The following TIMMDC1 variants were observed in gnomAD, a reference collection of about 807,000 sequenced individuals.
The protein encoded by TIMMDC1 is complex I assembly factor TIMMDC1, mitochondrial.
Under a neutral mutation model 32.6 loss-of-function variants are expected in TIMMDC1, and 25 were observed. That is an observed-to-expected ratio of 0.77 (90% CI 0.56 to 1.07). TIMMDC1 has a LOEUF of 1.07. Among genes scored for constraint, TIMMDC1 ranks in the 50% least tolerant of loss-of-function variants. TIMMDC1 has a pLI of 0.00. For missense variants in TIMMDC1, 329 were observed against 349.2 expected (o/e 0.94, Z 0.46); for synonymous variants, 130 against 127.6 (o/e 1.02, Z -0.13).
At position 119,523,712 on chromosome 3, in the gene TIMMDC1, C is replaced by A. The variant is rs1266708363; in HGVS notation, c.814C>A (p.Leu272Ile). ...DAKKIEALLNLPRNPSVIDKQ... is the reference protein window; with the variant it reads ...DAKKIEALLNIPRNPSVIDKQ... ...TAAGAAAATTGAAGCACTGCTAAAC[C>A]TTCCTAGAAACCCTTCAGTAATAGA... Residue 272 changes from leucine to isoleucine, a missense_variant, in exon 7 of 7, where the codon CTT becomes ATT. By Grantham distance (5) the Leu-to-Ile change is conservative (BLOSUM62 2). Transcript: ENST00000494664. 6.2e-7 allele frequency: 1 copy of A among 1,612,716 alleles called. No individual in the cohort carries two copies. Among genetic ancestry groups the A allele is most frequent in the Admixed American group, 1.7e-5 (1 of 59,780 alleles).
intron 5 of TIMMDC1, among the ~76,000 whole-genome samples, chr3:119,516,053 GA>G (rs1165508635): frequency 6.6e-6 from 1 of 152,184 alleles, no homozygotes; most frequent in East Asian, 1.9e-4. Context: ...AGTTTGGTTT[GA>G]AGGGAAAAGT....
rs779865857 is a variant in TIMMDC1 at position 119,513,679 on chromosome 3, C to T, written c.556C>T (p.Arg186Cys). ...GSLFRINVGL[R>C]GLVAGGIIGA... Reference sequence around the variant, plus strand: ...TCTTTTTAGGATAAACGTAGGCCTGCGTGGCCTGGTGGCTGGTGGCATAAT... The same window carrying T: ...TCTTTTTAGGATAAACGTAGGCCTGTGTGGCCTGGTGGCTGGTGGCATAAT... Residue 186 changes from arginine (R) to cysteine (C), a missense_variant, in exon 5 of 7, where the codon CGT becomes TGT. Transcript: ENST00000494664. The T allele has an allele frequency of 2.6e-5, 42 of 1,609,604 alleles. No homozygotes were observed. Among genetic ancestry groups the T allele is most frequent in the Admixed American group, 6.8e-5 (4 of 59,194 alleles).
At chr3:119,512,014 T>C (rs1275797290) in intron 4 of TIMMDC1, among the ~76,000 whole-genome samples, 5 of 152,250 alleles carry the variant, frequency 3.3e-5, no homozygotes, top group Non-Finnish European at 5.9e-5. Flanking sequence ...TTTATACTTA[T>C]ACCTTTTGGC....
At chr3:119,501,505 T>C (rs1278097753) in intron 2 of TIMMDC1, among the ~76,000 whole-genome samples, 1 of 152,210 alleles carries the variant, frequency 6.6e-6, no homozygotes, top group East Asian at 1.9e-4. Flanking sequence ...CTTCAGTGTG[T>C]TATTTCCTAA....
intron 1 of TIMMDC1, among the ~76,000 whole-genome samples, chr3:119,499,385 C>T (rs2081851657): frequency 6.7e-6 from 1 of 150,270 alleles, no homozygotes; most frequent in Non-Finnish European, 1.5e-5. Context: ...CAGGCGTGAG[C>T]CACCGCGCCA....
intron 4 of TIMMDC1, among the ~76,000 whole-genome samples, chr3:119,511,415 T>G (rs559700038): frequency 4.1e-4 from 63 of 151,812 alleles, no homozygotes; most frequent in African/African-American, 1.5e-3. Flanking sequence ...AGGCAGAGGT[T>G]GCAGTGAGCC....
At chr3:119,523,531 A>G (rs2082044531) in intron 6 of TIMMDC1, 75 bp from the exon 7 acceptor site, 5 of 1,429,620 alleles carry the variant, frequency 3.5e-6, no homozygotes, top group Non-Finnish European at 4.7e-6. Context: ...GACAAATGCT[A>G]TCCTTTTTGT....
At chr3:119,502,608 G>C (rs1465994464) in intron 2 of TIMMDC1, among the ~76,000 whole-genome samples, 5 of 151,840 alleles carry the variant, frequency 3.3e-5, no homozygotes, top group Admixed American at 2.0e-4. Context: ...GTGCAGGCTG[G>C]AGTGCAGCGG....
At chr3:119,522,912 G>A (rs1316400768) in intron 6 of TIMMDC1, among the ~76,000 whole-genome samples, 1 of 151,618 alleles carries the variant, frequency 6.6e-6, no homozygotes, top group East Asian at 1.9e-4. Context: ...AATAATACAG[G>A]AAAATCAAAC....
intron 5 of TIMMDC1, among the ~76,000 whole-genome samples, chr3:119,516,396 A>G (rs1258815055): frequency 2.0e-5 from 3 of 152,130 alleles, no homozygotes; most frequent in Non-Finnish European, 2.9e-5. Context: ...ATGTCCTTGA[A>G]GTTTATCTAT....
intron 6 of TIMMDC1, among the ~76,000 whole-genome samples, chr3:119,522,037 C>T (rs1006735127): frequency 1.3e-5 from 2 of 152,098 alleles, no homozygotes; most frequent in African/African-American, 4.8e-5. Context: ...ACTGTAAGAT[C>T]CAGCAATCTT....
intron 6 of TIMMDC1, among the ~76,000 whole-genome samples, chr3:119,520,796 C>T (rs913889149): frequency 2.2e-4 from 33 of 152,082 alleles, no homozygotes; most frequent in Non-Finnish European, 2.5e-4. Context: ...ACAACAACAA[C>T]AAAACCTACA....
intron 6 of TIMMDC1, among the ~76,000 whole-genome samples, chr3:119,517,683 C>T (rs2081995281): frequency 6.6e-6 from 1 of 152,124 alleles, no homozygotes; most frequent in Admixed American, 6.6e-5. Flanking sequence ...AAGTGACATC[C>T]TTAGCCTAGC....
chr3:119,509,485 C>T (rs1242454471), intron 4 of TIMMDC1, among the ~76,000 whole-genome samples: 5 of 152,042 alleles, frequency 3.3e-5, no homozygotes, highest in Non-Finnish European at 7.4e-5. Flanking sequence ...AAAAGCTAGA[C>T]ACAAAAGACT....
chr3:119,519,276 C>T (rs919879853), intron 6 of TIMMDC1, among the ~76,000 whole-genome samples: 3 of 152,078 alleles, frequency 2.0e-5, no homozygotes, highest in Non-Finnish European at 4.4e-5. Flanking sequence ...TGAATATAAA[C>T]ACTTTAAATT....
At chr3:119,506,223 A>T (rs535255536) in intron 4 of TIMMDC1, among the ~76,000 whole-genome samples, 1 of 152,264 alleles carries the variant, frequency 6.6e-6, no homozygotes, top group Non-Finnish European at 1.5e-5. Context: ...TTCTCTGTCA[A>T]TTGTTAAATG....
rs2081854507 is a variant in TIMMDC1, at chr3:119,499,616, C to T, written c.194+689C>T. Reference sequence around the variant, plus strand: ...TATTTTTAGTAGAGACAGGATTTCACCATTCGCCAGGCTGGTCTGGAACTC... The same window carrying T: ...TATTTTTAGTAGAGACAGGATTTCATCATTCGCCAGGCTGGTCTGGAACTC... On this transcript the variant is annotated intron_variant, in intron 1 of 6. Coordinates refer to ENST00000494664, the MANE Select transcript of TIMMDC1 (RefSeq NM_016589.4). 3.3e-5 allele frequency among the ~76,000 whole-genome samples: 5 copies of T among 151,156 alleles called. No homozygotes were observed. The South Asian group carries it at 1.0e-3, about 32-fold the overall frequency.
chr3:119,502,650 C>T (rs2081888039), intron 2 of TIMMDC1, among the ~76,000 whole-genome samples: 1 of 152,078 alleles, frequency 6.6e-6, no homozygotes, highest in Non-Finnish European at 1.5e-5. Context: ...CCTCAAACTT[C>T]TGGACTCAAG....
chr3:119,499,723 G>A (rs898113258), intron 1 of TIMMDC1, among the ~76,000 whole-genome samples: 2 of 152,136 alleles, frequency 1.3e-5, no homozygotes, highest in African/African-American at 4.8e-5. Context: ...GACTGCGCCC[G>A]GCCTAGAAGG....
Sources: gnomAD v4.1 joint callset for allele counts (sites outside exome capture counted in the v4.1 genomes callset) on GRCh38, gnomAD v4.1.1 for gene constraint, MANE v1.5 for transcripts, NCBI Gene and HGNC (gene_info 2026-07-23, HGNC 2026-07-21) for gene names.